Variants in RAB3GAP2 observed in about 807,000 individuals in gnomAD.
RAB3GAP2 encodes the protein RAB3 GTPase activating non-catalytic protein subunit 2, also known as rab3 GTPase-activating protein non-catalytic subunit.
RAB3GAP2 carries 87 observed loss-of-function variants against 185.3 expected under a neutral mutation model. That is an observed-to-expected ratio of 0.47 (90% CI 0.39 to 0.56). RAB3GAP2 has a LOEUF of 0.56. RAB3GAP2 is among the 20% of genes least tolerant of loss of function. The pLI is 0.00. For missense variants in RAB3GAP2, 1,492 were observed against 1,638.2 expected (o/e 0.91, Z 1.54); for synonymous variants, 554 against 576.1 (o/e 0.96, Z 0.55).
At chr1:220,221,520 A>G (rs1187989475) in intron 2 of RAB3GAP2, among the ~76,000 whole-genome samples, 1 of 152,214 alleles carries the variant, frequency 6.6e-6, no homozygotes, top group African/African-American at 2.4e-5. Context: ...GCAAAAATGA[A>G]TGAATGAATG....
intron 2 of RAB3GAP2, among the ~76,000 whole-genome samples, chr1:220,218,628 T>C (rs985673094): frequency 2.0e-5 from 3 of 151,984 alleles, no homozygotes; most frequent in African/African-American, 4.8e-5. Context: ...TTAGGAGATA[T>C]ATCTAATGTA....
intron 7 of RAB3GAP2, among the ~76,000 whole-genome samples, chr1:220,206,275 A>T (rs1658964641): frequency 6.6e-6 from 1 of 152,234 alleles, no homozygotes; most frequent in African/African-American, 2.4e-5. Flanking sequence ...TTTCATAAAA[A>T]GTAAATATAC....
At chr1:220,228,065 T>C (rs954298222) in intron 2 of RAB3GAP2, among the ~76,000 whole-genome samples, 8 of 152,210 alleles carry the variant, frequency 5.3e-5, no homozygotes, top group African/African-American at 1.9e-4. Context: ...TATAATTGTT[T>C]TTATAATTAT....
intron 1 of RAB3GAP2, among the ~76,000 whole-genome samples, chr1:220,263,781 A>AT (rs1378752786): frequency 6.6e-6 from 1 of 151,880 alleles, no homozygotes; most frequent in African/African-American, 2.4e-5. Flanking sequence ...TCCATATCTC[A>AT]TTTTTCTTAT....
chr1:220,244,946 C>T (rs550584810), intron 1 of RAB3GAP2, among the ~76,000 whole-genome samples: 33 of 152,120 alleles, frequency 2.2e-4, no homozygotes, highest in Non-Finnish European at 3.7e-4. Context: ...AAAGCAAGTG[C>T]AGCAAAAACA....
chr1:220,192,165 G>A (rs1658635981), intron 13 of RAB3GAP2, among the ~76,000 whole-genome samples: 1 of 152,234 alleles, frequency 6.6e-6, no homozygotes, highest in East Asian at 1.9e-4. Flanking sequence ...AAGTCTTGCT[G>A]AGAACATACC....
intron 1 of RAB3GAP2, among the ~76,000 whole-genome samples, chr1:220,240,199 C>T (rs890839120): frequency 5.9e-5 from 9 of 152,198 alleles, no homozygotes; most frequent in African/African-American, 1.4e-4. Context: ...CCATAGGAGA[C>T]GTTTAGGAGA....
chr1:220,191,316 C>T, intron 13 of RAB3GAP2, 32 bp from the exon 14 acceptor site: 1 of 1,314,322 alleles, frequency 7.6e-7, no homozygotes, highest in South Asian at 1.2e-5. Context: ...AAGTTAATTA[C>T]TTAATCTAGG....
At chr1:220,257,104 C>T (rs9431240) in intron 1 of RAB3GAP2, among the ~76,000 whole-genome samples, 7,407 of 152,246 alleles carry the variant, frequency 0.049, 623 homozygotes, top group African/African-American at 0.17. Flanking sequence ...AAAGGCTGGG[C>T]GTCGTGGCTC....
At chr1:220,219,675 G>A (rs1659265778) in intron 2 of RAB3GAP2, 1 of 152,256 alleles carries the variant, frequency 6.6e-6, no homozygotes, top group Admixed American at 6.5e-5. Context: ...TCCATCTGAA[G>A]TGACTCCAGT....
chr1:220,259,219 GA>G (rs896835300), intron 1 of RAB3GAP2, among the ~76,000 whole-genome samples: 2 of 151,272 alleles, frequency 1.3e-5, no homozygotes, highest in Admixed American at 6.6e-5. Flanking sequence ...CACAGAATTA[GA>G]AAAAAAAATT....
At chr1:220,245,507 G>A (rs567927930) in intron 1 of RAB3GAP2, among the ~76,000 whole-genome samples, 33 of 152,294 alleles carry the variant, frequency 2.2e-4, no homozygotes, top group African/African-American at 5.3e-4. Context: ...CACCTGGCTC[G>A]GAGGGTCCTA....
intron 9 of RAB3GAP2, among the ~76,000 whole-genome samples, chr1:220,201,867 A>G (rs1430958055): frequency 6.6e-6 from 1 of 151,938 alleles, no homozygotes; most frequent in Non-Finnish European, 1.5e-5. Context: ...AAGGCAATGC[A>G]TTTTTTCACA....
In RAB3GAP2 at chr1:220,193,234, A is replaced by G. The variant is rs1173801556; in HGVS notation, c.1270+6T>C. The G allele has an allele frequency of 6.2e-7, 1 of 1,613,864 alleles. No individual in the cohort carries two copies. Among genetic ancestry groups the G allele is most frequent in the African/African-American group, 1.3e-5 (1 of 75,066 alleles). On this transcript the variant is annotated splice_donor_region_variant and intron_variant, in intron 13 of 34. Transcript: ENST00000358951. Reference sequence around the variant, plus strand: ...AATTGTTTTTCTGGATTTTTGTAAGAAGTACCTTTCCACATGCGTATTGCA... The same window carrying G: ...AATTGTTTTTCTGGATTTTTGTAAGGAGTACCTTTCCACATGCGTATTGCA...
chr1:220,230,089 C>T (rs1283770719), intron 2 of RAB3GAP2, among the ~76,000 whole-genome samples: 1 of 152,162 alleles, frequency 6.6e-6, no homozygotes, highest in Middle Eastern at 3.2e-3. Context: ...CTTCCCTCCC[C>T]TCCTCATTCT....
At chr1:220,218,213 C>A (rs117022223) in intron 2 of RAB3GAP2, among the ~76,000 whole-genome samples, 1 of 152,170 alleles carries the variant, frequency 6.6e-6, no homozygotes, top group Non-Finnish European at 1.5e-5. Flanking sequence ...AATCTTCCAT[C>A]ATTCTTTACT....
intron 7 of RAB3GAP2, chr1:220,208,409 A>T (rs1476467963): frequency 6.6e-6 from 1 of 151,976 alleles, no homozygotes; most frequent in East Asian, 1.9e-4. Flanking sequence ...ATTTTCCTAC[A>T]CTCTTTACTT....
intron 1 of RAB3GAP2, among the ~76,000 whole-genome samples, chr1:220,256,654 G>A (rs571711716): frequency 1.3e-5 from 2 of 152,142 alleles, no homozygotes; most frequent in African/African-American, 4.8e-5. Flanking sequence ...AAAAGACAAA[G>A]AAGGGCATTA....
chr1:220,158,732 C>T lies in RAB3GAP2; in HGVS notation c.3261+654G>A, dbSNP rs931142248. On this transcript the variant is annotated intron_variant, in intron 29 of 34. Coordinates refer to ENST00000358951, the MANE Select transcript of RAB3GAP2 (RefSeq NM_012414.4). The surrounding 1 kb of genome is among the most constrained non-coding windows in gnomAD (Gnocchi z 4.3). Reference sequence around the variant, plus strand: ...CTAGGATTACAGGCGTGAGCCACCGCGCCCTGCCATATAATCTTTTTAAAA... The same window carrying T: ...CTAGGATTACAGGCGTGAGCCACCGTGCCCTGCCATATAATCTTTTTAAAA... Among the ~76,000 whole-genome samples, 1 of 150,730 alleles carries T rather than the reference C, an allele frequency of 6.6e-6. No homozygotes were observed. Among genetic ancestry groups the T allele is most frequent in the Non-Finnish European group, 1.5e-5 (1 of 67,944 alleles).
Sources: gnomAD v4.1 joint callset for allele counts (sites outside exome capture counted in the v4.1 genomes callset) on GRCh38, gnomAD v4.1.1 for gene constraint, Gnocchi (gnomAD v3.1) non-coding constraint, MANE v1.5 for transcripts, NCBI Gene and HGNC (gene_info 2026-07-23, HGNC 2026-07-21) for gene names.